GNAQ: variants seen among roughly 807,000 people sequenced by gnomAD.
The protein encoded by GNAQ is G protein subunit alpha q, also known as guanine nucleotide-binding protein G(q) subunit alpha.
In GNAQ, 8 loss-of-function variants were observed where a neutral mutation model predicts 43.9. The ratio of observed to expected loss-of-function variants is 0.18; its 90% CI spans 0.11 to 0.33. The LOEUF is 0.33. GNAQ is among the 10% of genes least tolerant of loss of function. GNAQ has a pLI of 1.00. For synonymous variants in GNAQ, 155 were observed against 170.7 expected, an observed-to-expected ratio of 0.91 and a Z score of 0.71; for missense variants, 158 against 450.8, an observed-to-expected ratio of 0.35 and a Z score of 5.88.
At chr9:78,007,811 A>T (rs2118571396) in intron 1 of GNAQ, among the ~76,000 whole-genome samples, 1 of 152,320 alleles carries the variant, frequency 6.6e-6, no homozygotes, top group East Asian at 1.9e-4. Flanking sequence ...AGCACATTTT[A>T]AAAACTCAGG....
intron 2 of GNAQ, among the ~76,000 whole-genome samples, chr9:77,849,552 G>A (rs866045171): frequency 3.3e-5 from 5 of 152,112 alleles, no homozygotes; most frequent in African/African-American, 1.2e-4. Flanking sequence ...CTGGTCATCC[G>A]TACTGGCTTT....
intron 1 of GNAQ, among the ~76,000 whole-genome samples, chr9:77,950,923 T>C (rs1256852635): frequency 6.6e-6 from 1 of 152,094 alleles, no homozygotes; most frequent in African/African-American, 2.4e-5. Context: ...ATTGAAAACA[T>C]CTATATTTAA....
chr9:77,728,120 G>T, intron 6 of GNAQ, among the ~76,000 whole-genome samples: 1 of 151,838 alleles, frequency 6.6e-6, no homozygotes, highest in Non-Finnish European at 1.5e-5. Flanking sequence ...TCAGCCTCCC[G>T]AGAAGCTGGG....
intron 5 of GNAQ, among the ~76,000 whole-genome samples, chr9:77,749,895 G>GA (rs2118288365): frequency 6.6e-6 from 1 of 152,108 alleles, no homozygotes; most frequent in East Asian, 1.9e-4. Flanking sequence ...TTGATGTGAT[G>GA]AAAAAAATAT....
intron 2 of GNAQ, among the ~76,000 whole-genome samples, chr9:77,912,291 T>C (rs781459319): frequency 3.3e-5 from 5 of 152,186 alleles, no homozygotes; most frequent in Admixed American, 6.5e-5. Flanking sequence ...TGACACTGTA[T>C]TGCTCTGGGT....
At chr9:77,725,047 G>A (rs1310054715) in intron 6 of GNAQ, among the ~76,000 whole-genome samples, 1 of 151,346 alleles carries the variant, frequency 6.6e-6, no homozygotes, top group African/African-American at 2.4e-5. Flanking sequence ...GTATGATTTT[G>A]TACTTACTCT....
At chr9:77,733,612 A>G (rs1453326158) in intron 5 of GNAQ, among the ~76,000 whole-genome samples, 1 of 152,134 alleles carries the variant, frequency 6.6e-6, no homozygotes, top group Non-Finnish European at 1.5e-5. Context: ...CCTTCCTCCC[A>G]TCCCCAGCAC....
At chr9:77,890,452 A>C (rs1489060507) in intron 2 of GNAQ, among the ~76,000 whole-genome samples, 1 of 152,202 alleles carries the variant, frequency 6.6e-6, no homozygotes, top group Non-Finnish European at 1.5e-5. Context: ...GGCTGGGCAC[A>C]GTGGCTCATG....
chr9:77,885,489 T>C (rs10781468), intron 2 of GNAQ, among the ~76,000 whole-genome samples: 100,167 of 152,032 alleles, frequency 0.66, 34,170 homozygotes, highest in South Asian at 0.77. Context: ...CACAACTCTC[T>C]GAGAGTTAAC....
At position 77,719,549 on chromosome 9, in the gene GNAQ, C is replaced by G. The variant is rs1460712101; in HGVS notation, c.*1774G>C. 9 of 232,592 alleles carry G rather than the reference C, an allele frequency of 3.9e-5. No individual in the cohort carries two copies. Among genetic ancestry groups the G allele is most frequent in the African/African-American group, 1.8e-4 (8 of 45,304 alleles). 14.4% of individuals were successfully genotyped at this position (232,592 alleles called of 1,614,324 possible). A position where few individuals can be genotyped will look rare whatever the true frequency, so the allele number is the denominator to read the frequency against. On this transcript the variant is annotated 3_prime_UTR_variant, in exon 7 of 7. Coordinates refer to ENST00000286548, the MANE Select transcript of GNAQ (RefSeq NM_002072.5). Reference sequence around the variant, plus strand: ...ACAGGCCGTGATTTTTCTCCCTCCCCCTTTGTTGTTCCAAAAGAGTGATTT... The same window carrying G: ...ACAGGCCGTGATTTTTCTCCCTCCCGCTTTGTTGTTCCAAAAGAGTGATTT...
rs1028599116 is a variant in GNAQ, at chr9:77,716,735, A to G, written c.*4588T>C. ...TCCAAGATCTGATTTTACCCAATAG[A>G]TGTTTTCATAACATGTAAATGTCAT... is the stretch of plus-strand genomic sequence containing the variant. On this transcript the variant is annotated 3_prime_UTR_variant, in exon 7 of 7. Coordinates refer to ENST00000286548, the MANE Select transcript of GNAQ (RefSeq NM_002072.5). 4.3e-6 allele frequency: 1 copy of G among 232,868 alleles called. No homozygotes were observed. The highest frequency in any genetic ancestry group is 2.2e-5 in the African/African-American group (1 of 45,346). The allele number at this position is 232,868 out of a possible 1,614,324, so 14.4% of individuals were successfully genotyped here. A position where few individuals can be genotyped will look rare whatever the true frequency, so the allele number is the denominator to read the frequency against.
rs1824057359 is a variant in GNAQ at position 78,031,344 on chromosome 9, GC to G, written c.-110del. 5 of 867,742 alleles carry G rather than the reference GC, an allele frequency of 5.8e-6. No homozygotes were observed. The East Asian group carries it at 1.9e-4, about 33-fold the overall frequency. 53.8% of individuals were successfully genotyped at this position (867,742 alleles called of 1,614,324 possible). ...AGGCAGCGGTGGCCGCCGAGCCCCC[GC>G]CGCCCGGGCGCGCGTCCGGGACGAG... On this transcript the variant is annotated 5_prime_UTR_variant, in exon 1 of 7. Coordinates refer to ENST00000286548, the MANE Select transcript of GNAQ (RefSeq NM_002072.5).
At chr9:77,843,599 G>C (rs1433178802) in intron 2 of GNAQ, among the ~76,000 whole-genome samples, 3 of 152,182 alleles carry the variant, frequency 2.0e-5, no homozygotes, top group African/African-American at 7.2e-5. Flanking sequence ...GGATAGAGTA[G>C]TTTGGCATAT....
At chr9:78,013,117 G>A (rs887575335) in intron 1 of GNAQ, among the ~76,000 whole-genome samples, 2 of 152,252 alleles carry the variant, frequency 1.3e-5, no homozygotes, top group African/African-American at 4.8e-5. Context: ...TAAAGGAAAT[G>A]TAAGTTAGAG....
chr9:77,979,999 T>C (rs972647313), intron 1 of GNAQ, among the ~76,000 whole-genome samples: 2 of 152,174 alleles, frequency 1.3e-5, no homozygotes, highest in African/African-American at 4.8e-5. Flanking sequence ...TAGAGACAAA[T>C]TAATTTATGA....
intron 5 of GNAQ, among the ~76,000 whole-genome samples, chr9:77,754,620 T>C (rs1825869564): frequency 6.6e-6 from 1 of 152,204 alleles, no homozygotes; most frequent in South Asian, 2.1e-4. Context: ...TGATGTATTT[T>C]GTTATGTAAG....
At chr9:77,964,003 T>C (rs1375726231) in intron 1 of GNAQ, among the ~76,000 whole-genome samples, 1 of 152,212 alleles carries the variant, frequency 6.6e-6, no homozygotes, top group Non-Finnish European at 1.5e-5. Flanking sequence ...AGGAATGGAC[T>C]ACATGGCTAG....
chr9:77,933,420 C>G (rs146118489), intron 1 of GNAQ, among the ~76,000 whole-genome samples: 2,215 of 152,244 alleles, frequency 0.015, 54 homozygotes, highest in African/African-American at 0.05. Flanking sequence ...AATCCCAGCA[C>G]TTTGGGAGGT....
At chr9:77,902,501 G>A (rs1270413885) in intron 2 of GNAQ, among the ~76,000 whole-genome samples, 1 of 152,192 alleles carries the variant, frequency 6.6e-6, no homozygotes, top group African/African-American at 2.4e-5. Context: ...ATTACAAGAT[G>A]AGATACTTGG....
Sources: allele counts gnomAD v4.1 joint callset (sites outside exome capture counted in the v4.1 genomes callset), GRCh38; gene constraint gnomAD v4.1.1; transcripts MANE v1.5; gene names NCBI Gene and HGNC (gene_info 2026-07-23, HGNC 2026-07-21).